Variants in CSTPP1 observed in about 807,000 individuals in gnomAD.
The protein encoded by CSTPP1 is centriolar satellite-associated tubulin polyglutamylase complex regulator 1, also known as UPF0705 protein C11orf49.
chr11:47,021,069 A>T, the CSTPP1 span, among the ~76,000 whole-genome samples: 5 of 152,218 alleles, frequency 3.3e-5, no homozygotes, highest in African/African-American at 1.2e-4. Flanking sequence ...TGCCAGCTGC[A>T]TCATTTCTGG....
the CSTPP1 span, among the ~76,000 whole-genome samples, chr11:47,038,572 G>A: frequency 2.8e-5 from 3 of 105,374 alleles, no homozygotes; most frequent in South Asian, 3.3e-4. Context: ...GCGGCTGGCC[G>A]GGCGGGGGGC....
chr11:47,061,862 C>T, the CSTPP1 span, among the ~76,000 whole-genome samples: 1 of 151,884 alleles, frequency 6.6e-6, no homozygotes, highest in African/African-American at 2.4e-5. Flanking sequence ...ATTGATGGCC[C>T]CTCAAATCAT....
chr11:46,955,301 A>G, the CSTPP1 span, among the ~76,000 whole-genome samples: 4 of 151,944 alleles, frequency 2.6e-5, no homozygotes. Context: ...TTAGGATTAG[A>G]AATTAAAAGT....
the CSTPP1 span, among the ~76,000 whole-genome samples, chr11:47,107,610 G>T: frequency 2.7e-3 from 417 of 151,710 alleles, 3 homozygotes; most frequent in African/African-American, 9.3e-3. Context: ...TATTTTCATG[G>T]TTTTTTTTCA....
chr11:46,948,622 G>C, the CSTPP1 span, among the ~76,000 whole-genome samples: 1 of 152,134 alleles, frequency 6.6e-6, no homozygotes, highest in Non-Finnish European at 1.5e-5. Context: ...TCTTCCCCAA[G>C]TGAGCTGCTT....
At chr11:47,080,838 G>T in the CSTPP1 span, among the ~76,000 whole-genome samples, 2 of 151,876 alleles carry the variant, frequency 1.3e-5, no homozygotes, top group Non-Finnish European at 2.9e-5. Context: ...GTGAAACTCT[G>T]TCTCTACAAA....
chr11:47,015,518 G>A, the CSTPP1 span, among the ~76,000 whole-genome samples: 1 of 151,620 alleles, frequency 6.6e-6, no homozygotes, highest in Non-Finnish European at 1.5e-5. Flanking sequence ...ATGTATATAT[G>A]TATATATATC....
chr11:47,041,584 C>T, the CSTPP1 span: 1 of 402,246 alleles, frequency 2.5e-6, no homozygotes, highest in Non-Finnish European at 5.1e-6. Flanking sequence ...CTCATTGATG[C>T]CGGGAAAGGC....
the CSTPP1 span, among the ~76,000 whole-genome samples, chr11:46,946,586 A>G: frequency 2.0e-5 from 3 of 152,236 alleles, no homozygotes; most frequent in Admixed American, 1.3e-4. Context: ...TGAACCCGGG[A>G]GGCGGAGCTT....
At chr11:47,072,819 T>C in the CSTPP1 span, among the ~76,000 whole-genome samples, 1 of 152,198 alleles carries the variant, frequency 6.6e-6, no homozygotes, top group African/African-American at 2.4e-5. Flanking sequence ...TCCAATAATT[T>C]CTTGAAAGTA....
At chr11:47,144,250 G>A in the CSTPP1 span, among the ~76,000 whole-genome samples, 4 of 151,956 alleles carry the variant, frequency 2.6e-5, no homozygotes, top group South Asian at 2.1e-4. Context: ...GTGCAGTGGC[G>A]TGATCTTAGC....
the CSTPP1 span, chr11:46,936,716 G>A: frequency 3.2e-6 from 5 of 1,563,348 alleles, no homozygotes; most frequent in Non-Finnish European, 8.7e-7. Context: ...TCCCCCTTCC[G>A]CCGCGTGGGT....
the CSTPP1 span, among the ~76,000 whole-genome samples, chr11:46,986,054 C>T: frequency 4.6e-5 from 7 of 152,130 alleles, no homozygotes; most frequent in South Asian, 2.1e-4. Context: ...TATAAATCTG[C>T]GTTTTAAACG....
At chr11:47,056,086 C>T in the CSTPP1 span, among the ~76,000 whole-genome samples, 1 of 152,266 alleles carries the variant, frequency 6.6e-6, no homozygotes, top group Middle Eastern at 3.4e-3. Context: ...GGTTCCAGGA[C>T]CCCTGTTTAT....
At chr11:47,104,003 C>CT in the CSTPP1 span, among the ~76,000 whole-genome samples, 2 of 152,118 alleles carry the variant, frequency 1.3e-5, no homozygotes, top group Non-Finnish European at 2.9e-5. Flanking sequence ...TCCTCAGTCT[C>CT]TGACTCTTCC....
chr11:47,093,198 TATAA>T, the CSTPP1 span, among the ~76,000 whole-genome samples: 1 of 152,166 alleles, frequency 6.6e-6, no homozygotes, highest in African/African-American at 2.4e-5. Flanking sequence ...GTGTAATAAA[TATAA>T]ATAAGAATTG....
the CSTPP1 span, among the ~76,000 whole-genome samples, chr11:47,014,690 C>T: frequency 4.2e-4 from 57 of 136,388 alleles, no homozygotes; most frequent in Admixed American, 6.6e-4. Flanking sequence ...GGGCAACGAG[C>T]GAAACTCTGT....
chr11:46,976,252 T>G, the CSTPP1 span, among the ~76,000 whole-genome samples: 2 of 152,182 alleles, frequency 1.3e-5, no homozygotes, highest in East Asian at 3.8e-4. Flanking sequence ...AGATTCTTAT[T>G]GTAAGCTAAC....
chr11:47,079,666 A>C, the CSTPP1 span, among the ~76,000 whole-genome samples: 1 of 152,256 alleles, frequency 6.6e-6, no homozygotes, highest in Non-Finnish European at 1.5e-5. Context: ...GTCTTTGCAT[A>C]GTAGAGATTA....
Sources: allele counts gnomAD v4.1 joint callset (sites outside exome capture counted in the v4.1 genomes callset), GRCh38; gene constraint gnomAD v4.1.1; transcripts MANE v1.5; gene names NCBI Gene and HGNC (gene_info 2026-07-23, HGNC 2026-07-21).